DOCK11: variants seen among roughly 807,000 people sequenced by gnomAD.
DOCK11 encodes dedicator of cytokinesis protein 11.
DOCK11 carries 70 observed loss-of-function variants against 169.1 expected under a neutral mutation model. The observed-to-expected ratio is 0.41, with a 90% confidence interval of 0.34 to 0.51. The LOEUF (loss-of-function observed/expected upper bound fraction) is 0.51, where lower values mean the gene tolerates loss of function less well. Among genes scored for constraint, DOCK11 ranks in the 20% least tolerant of loss-of-function variants. DOCK11 has a pLI of 0.10. For missense variants in DOCK11, 1,166 were observed against 1,538.8 expected, an observed-to-expected ratio of 0.76 and a Z score of 4.05; for synonymous variants, 529 against 541.3, an observed-to-expected ratio of 0.98 and a Z score of 0.32.
chrX:118,518,932 C>G (rs1189872536), intron 1 of DOCK11, among the ~76,000 whole-genome samples: 1 of 111,817 alleles, frequency 8.9e-6, no homozygotes, highest in Non-Finnish European at 1.9e-5. Flanking sequence ...GAACCTAAAA[C>G]TGCTCTGAAA....
chrX:118,644,433 A>G (rs776573766), intron 40 of DOCK11, among the ~76,000 whole-genome samples: 13 of 112,293 alleles, frequency 1.2e-4, no homozygotes, highest in Non-Finnish European at 1.3e-4. Context: ...AATATAATTT[A>G]TGAATTAATC....
intron 1 of DOCK11, among the ~76,000 whole-genome samples, chrX:118,519,795 T>C (rs2057711631): frequency 8.9e-6 from 1 of 111,928 alleles, no homozygotes; most frequent in Non-Finnish European, 1.9e-5. Flanking sequence ...AAGCAAAGCA[T>C]AATTTTGTAA....
At chrX:118,659,572 T>C (rs1472019934) in intron 44 of DOCK11, among the ~76,000 whole-genome samples, 1 of 112,102 alleles carries the variant, frequency 8.9e-6, no homozygotes, top group Non-Finnish European at 1.9e-5. Flanking sequence ...TTGATGGGTG[T>C]TGATAACTTT....
chrX:118,653,346 C>T (rs991617614), intron 42 of DOCK11, among the ~76,000 whole-genome samples: 4 of 111,508 alleles, frequency 3.6e-5, no homozygotes, highest in African/African-American at 6.5e-5. Flanking sequence ...TAGAAAGGAA[C>T]TTTATGTATA....
chrX:118,676,119 C>A, intron 47 of DOCK11, 70 bp downstream of exon 47: 1 of 689,192 alleles, frequency 1.5e-6, no homozygotes, highest in East Asian at 3.5e-5. Flanking sequence ...TTTACTATAG[C>A]AGCTAGGAGT....
intron 19 of DOCK11, among the ~76,000 whole-genome samples, chrX:118,592,645 A>G (rs1212328054): frequency 8.9e-6 from 1 of 112,374 alleles, no homozygotes; most frequent in Non-Finnish European, 1.9e-5. Context: ...TATTACAACC[A>G]TTAATTTTTA....
At chrX:118,579,809 A>C (rs1275470056) in intron 13 of DOCK11, among the ~76,000 whole-genome samples, 2 of 111,768 alleles carry the variant, frequency 1.8e-5, no homozygotes, top group African/African-American at 6.5e-5. Context: ...AAACCACTGA[A>C]CATTTTTCCA....
intron 26 of DOCK11, 55 bp downstream of exon 26, chrX:118,608,411 G>T: frequency 8.9e-7 from 1 of 1,121,551 alleles, no homozygotes; most frequent in South Asian, 2.2e-5. Context: ...CACTTTTTTT[G>T]ATACCCTCCC....
intron 21 of DOCK11, 152 bp downstream of exon 21, chrX:118,597,704 T>C: frequency 1.7e-6 from 1 of 605,700 alleles, no homozygotes; most frequent in East Asian, 3.7e-5. Context: ...AATGTGCATG[T>C]TTAGAATTTA....
At chrX:118,591,641 T>C (rs1167475143) in intron 19 of DOCK11, among the ~76,000 whole-genome samples, 3 of 106,221 alleles carry the variant, frequency 2.8e-5, no homozygotes, top group Non-Finnish European at 5.8e-5. Context: ...TTTTTATTAT[T>C]ATTATTACAC....
chrX:118,658,982 AT>A (rs1190929432), intron 44 of DOCK11, among the ~76,000 whole-genome samples: 1 of 111,481 alleles, frequency 9.0e-6, no homozygotes, highest in Non-Finnish European at 1.9e-5. Flanking sequence ...GGTTTTTTTC[AT>A]TCCTTACAGG....
At chrX:118,527,423 G>T (rs2011402475) in intron 1 of DOCK11, among the ~76,000 whole-genome samples, 1 of 112,048 alleles carries the variant, frequency 8.9e-6, no homozygotes. Context: ...TTTGTTGGTG[G>T]ATACATCTTG....
At chrX:118,528,917 G>A (rs1187472165) in intron 1 of DOCK11, among the ~76,000 whole-genome samples, 1 of 110,483 alleles carries the variant, frequency 9.1e-6, no homozygotes, top group East Asian at 2.8e-4. Context: ...ATGGAGTTTT[G>A]CTTGAGTCAT....
intron 48 of DOCK11, among the ~76,000 whole-genome samples, chrX:118,678,077 A>G (rs1243848491): frequency 8.9e-6 from 1 of 112,536 alleles, no homozygotes. Context: ...TGGCTTTTAA[A>G]ATATATTTAT....
intron 52 of DOCK11, among the ~76,000 whole-genome samples, chrX:118,684,610 G>A (rs1455951591): frequency 9.0e-6 from 1 of 111,363 alleles, no homozygotes; most frequent in African/African-American, 3.3e-5. Context: ...TTATCATAAA[G>A]CTATAAATTA....
intron 1 of DOCK11, among the ~76,000 whole-genome samples, chrX:118,501,956 T>A (rs892185434): frequency 8.9e-6 from 1 of 112,061 alleles, no homozygotes; most frequent in Non-Finnish European, 1.9e-5. Flanking sequence ...CAGTTTTTCA[T>A]GTTGATTGGC....
intron 1 of DOCK11, among the ~76,000 whole-genome samples, chrX:118,538,271 A>T (rs1006393247): frequency 4.5e-5 from 5 of 112,065 alleles, no homozygotes; most frequent in Non-Finnish European, 7.5e-5. Flanking sequence ...CTCCTAATGT[A>T]GACAGATGAA....
rs767017269 is a variant in DOCK11, at chrX:118,503,074, C to CTTTTT, written c.102+7013_102+7017dup. On this transcript the variant is annotated intron_variant, in intron 1 of 52. Transcript: ENST00000276202. The stretch of plus-strand genomic sequence containing the variant: ...TAGTTCTGGAGAGAGATAACAAAGG[C>CTTTTT]TTTTTTTTTTTTTTTTGAAATGGAG... Among the ~76,000 whole-genome samples, 64 of 90,759 alleles carry CTTTTT rather than the reference C, an allele frequency of 7.1e-4. 16 individuals are homozygous for CTTTTT. Among genetic ancestry groups the CTTTTT allele is most frequent in the Non-Finnish European group, 6.6e-4 (31 of 47,078 alleles). The allele number at this position is 90,759 out of a possible 115,157, so 78.8% of individuals were successfully genotyped here. A position where few individuals can be genotyped will look rare whatever the true frequency, so the allele number is the denominator to read the frequency against.
chrX:118,616,470 A>G (rs938902348), intron 30 of DOCK11, among the ~76,000 whole-genome samples: 1 of 111,544 alleles, frequency 9.0e-6, no homozygotes, highest in African/African-American at 3.3e-5. Flanking sequence ...CCCTCAAAAC[A>G]CAAGTTCCTG....
Sources: allele counts gnomAD v4.1 joint callset (sites outside exome capture counted in the v4.1 genomes callset), GRCh38; gene constraint gnomAD v4.1.1; transcripts MANE v1.5; gene names NCBI Gene and HGNC (gene_info 2026-07-23, HGNC 2026-07-21).